WWC2: variants seen among roughly 807,000 people sequenced by gnomAD.
The protein encoded by WWC2 is protein WWC2.
A neutral mutation model predicts 138.5 loss-of-function variants in WWC2; 101 were observed. That is an observed-to-expected ratio of 0.73 (90% CI 0.62 to 0.86). The LOEUF is 0.86. WWC2 is among the 40% of genes least tolerant of loss of function. The pLI, the probability that WWC2 is intolerant of heterozygous loss-of-function variation, is 0.00. For synonymous variants in WWC2, 558 were observed against 538.4 expected (o/e 1.04, Z -0.50); for missense variants, 1,420 against 1,419.4 (o/e 1.00, Z -0.01).
At chr4:183,282,364 G>A (rs1473152265) in intron 17 of WWC2, among the ~76,000 whole-genome samples, 1 of 152,120 alleles carries the variant, frequency 6.6e-6, no homozygotes. Context: ...AATGAACAAC[G>A]AATACCAAGT....
In WWC2 at chr4:183,253,845, A is replaced by T; in HGVS notation, c.1042A>T (p.Ile348Phe). 6.2e-7 allele frequency: 1 copy of T among 1,613,720 alleles called. No individual in the cohort carries two copies. The highest frequency in any genetic ancestry group is 8.5e-7 in the Non-Finnish European group (1 of 1,179,794). The change falls in exon 9 of 23, where the codon ATT (isoleucine) becomes TTT (phenylalanine). Residue 348 changes from isoleucine (I) to phenylalanine (F), a missense_variant. Ile to Phe is a conservative substitution (Grantham distance 21). Coordinates refer to ENST00000403733, the MANE Select transcript of WWC2 (RefSeq NM_024949.6). ...TATTGAGAAGGAAAAACTGATGCTG[A>T]TTAATGAAAAAGAAGAACTTTTGAA... Reference protein sequence around the residue: ...LDIEKEKLMLINEKEELLKEL... With the variant: ...LDIEKEKLMLFNEKEELLKEL...
At chr4:183,311,468 C>G (rs1035939897) in intron 21 of WWC2, among the ~76,000 whole-genome samples, 1 of 152,176 alleles carries the variant, frequency 6.6e-6, no homozygotes, top group Non-Finnish European at 1.5e-5. Context: ...TGCTGGGAAC[C>G]CTCGGGGCAG....
rs572165795 is a variant in WWC2, at chr4:183,172,495, G to A, written c.132-21104G>A. On this transcript the variant is annotated intron_variant, in intron 1 of 22. Coordinates refer to ENST00000403733, the MANE Select transcript of WWC2 (RefSeq NM_024949.6). ...TTTGGAGTAAAAATTCGATGGTACT[G>A]CTTTACTGACTTGTATATTCCAGTG... 4.7e-5 allele frequency among the ~76,000 whole-genome samples: 7 copies of A among 149,946 alleles called. 1 individual carries two copies. The South Asian group carries it at 1.5e-3, about 31-fold the overall frequency.
At chr4:183,126,569 T>G (rs1489622270) in intron 1 of WWC2, among the ~76,000 whole-genome samples, 1 of 152,172 alleles carries the variant, frequency 6.6e-6, no homozygotes, top group East Asian at 1.9e-4. Flanking sequence ...GTAGATCAAG[T>G]GGCAGCAGAG....
intron 1 of WWC2, among the ~76,000 whole-genome samples, chr4:183,166,039 G>A (rs1257865131): frequency 6.6e-6 from 1 of 152,118 alleles, no homozygotes; most frequent in Non-Finnish European, 1.5e-5. Flanking sequence ...GTATCTACCT[G>A]TAATGTAATA....
intron 21 of WWC2, among the ~76,000 whole-genome samples, chr4:183,303,431 G>A (rs887664749): frequency 3.9e-5 from 6 of 152,142 alleles, no homozygotes; most frequent in African/African-American, 1.4e-4. Flanking sequence ...TAATAACTAG[G>A]CAGCCTCTTA....
chr4:183,099,651 C>G (rs774670704), intron 1 of WWC2, 29 bp downstream of exon 1: 2 of 1,271,506 alleles, frequency 1.6e-6, no homozygotes, highest in South Asian at 4.8e-5. Flanking sequence ...GGCGCGGGCC[C>G]GTTCGGACAC....
intron 1 of WWC2, among the ~76,000 whole-genome samples, chr4:183,162,298 T>G (rs1733984412): frequency 6.6e-6 from 1 of 152,200 alleles, no homozygotes; most frequent in South Asian, 2.1e-4. Context: ...CCTATACACT[T>G]ATAGAGAATT....
chr4:183,204,527 T>C (rs1287278825), intron 2 of WWC2, among the ~76,000 whole-genome samples: 1 of 152,218 alleles, frequency 6.6e-6, no homozygotes, highest in African/African-American at 2.4e-5. Flanking sequence ...TTATTGCTGT[T>C]CCATTATACC....
chr4:183,130,734 A>G (rs1423518224), intron 1 of WWC2, among the ~76,000 whole-genome samples: 1 of 152,134 alleles, frequency 6.6e-6, no homozygotes, highest in Non-Finnish European at 1.5e-5. Flanking sequence ...GAGTGCTTGC[A>G]TTGTGCCAGG....
intron 4 of WWC2, among the ~76,000 whole-genome samples, chr4:183,232,005 A>G (rs1241329460): frequency 6.6e-6 from 1 of 152,204 alleles, no homozygotes; most frequent in African/African-American, 2.4e-5. Flanking sequence ...TGTGGCCTCA[A>G]TAGAGAAAGG....
rs530602796 is a variant in WWC2, at chr4:183,316,078, G to C, written c.*349G>C. ...TGAGCCGGCTGTTGAGAAACAACTT[G>C]GTTCAGCCGGTGGTTTTGCTTCTCC... is the stretch of plus-strand genomic sequence containing the variant. On this transcript the variant is annotated 3_prime_UTR_variant, in exon 23 of 23. Coordinates refer to ENST00000403733, the MANE Select transcript of WWC2 (RefSeq NM_024949.6). 8 of 202,936 alleles carry C rather than the reference G, an allele frequency of 3.9e-5. No homozygotes were observed. The highest frequency in any genetic ancestry group is 2.7e-4 in the Admixed American group (5 of 18,496). 12.6% of individuals were successfully genotyped at this position (202,936 alleles called of 1,614,324 possible).
At position 183,105,788 on chromosome 4, in the gene WWC2, G is replaced by A. The variant is rs543332808; in HGVS notation, c.131+6166G>A. On this transcript the variant is annotated intron_variant, in intron 1 of 22. Coordinates refer to ENST00000403733, the MANE Select transcript of WWC2 (RefSeq NM_024949.6). ...GCCTGTAGTCCCAGCTACTTGGGTG[G>A]CTGAGGCAGGAGAATGGCGTGAACC... is the stretch of plus-strand genomic sequence containing the variant. Among the ~76,000 whole-genome samples the A allele has an allele frequency of 3.5e-3, 539 of 152,046 alleles. 4 individuals are homozygous for A. Among genetic ancestry groups the A allele is most frequent in the Non-Finnish European group, 4.0e-3 (275 of 67,974 alleles).
chr4:183,319,708 A>G lies in WWC2; in HGVS notation c.*3979A>G. Reference sequence around the variant, plus strand: ...CCTAGCAGAAGAGAAAGTCCAGCAAACCAGCCCAGAAACAGGGCCTCCCCA... The same window carrying G: ...CCTAGCAGAAGAGAAAGTCCAGCAAGCCAGCCCAGAAACAGGGCCTCCCCA... On this transcript the variant is annotated 3_prime_UTR_variant, in exon 23 of 23. Coordinates refer to ENST00000403733, the MANE Select transcript of WWC2 (RefSeq NM_024949.6). The G allele has an allele frequency of 6.2e-7, 1 of 1,614,106 alleles. No homozygotes were observed. The highest frequency in any genetic ancestry group is 1.7e-4 in the Middle Eastern group (1 of 6,060).
At chr4:183,142,416 T>C (rs1401553045) in intron 1 of WWC2, among the ~76,000 whole-genome samples, 1 of 152,208 alleles carries the variant, frequency 6.6e-6, no homozygotes, top group Non-Finnish European at 1.5e-5. Flanking sequence ...TTAAAATTTC[T>C]GAGTCAGTTT....
At chr4:183,239,735 G>A (rs989506421) in intron 4 of WWC2, among the ~76,000 whole-genome samples, 1 of 152,150 alleles carries the variant, frequency 6.6e-6, no homozygotes, top group African/African-American at 2.4e-5. Flanking sequence ...AGCTAGCATT[G>A]GAGGGACAGG....
chr4:183,137,953 G>A (rs1282929227), intron 1 of WWC2, among the ~76,000 whole-genome samples: 4 of 152,180 alleles, frequency 2.6e-5, no homozygotes, highest in African/African-American at 7.2e-5. Context: ...TGTGAGCTAA[G>A]TTACTTATTT....
chr4:183,189,298 G>C (rs182915076), intron 1 of WWC2, among the ~76,000 whole-genome samples: 1 of 151,868 alleles, frequency 6.6e-6, no homozygotes. Flanking sequence ...TTAGCCAGGC[G>C]TGGTGGCGGG....
At position 183,099,547 on chromosome 4, in the gene WWC2, C is replaced by A; in HGVS notation, c.56C>A (p.Ala19Asp). 1 of 1,420,278 alleles carries A rather than the reference C, an allele frequency of 7.0e-7. No homozygotes were observed. 88.0% of individuals were successfully genotyped at this position (1,420,278 alleles called of 1,614,324 possible). ...CCGCTGCCCCGGGGCTGGGAGGAGG[C>A]CAGGGACTACGACGGCAAGGTCTTC... is the stretch of plus-strand genomic sequence containing the variant. The part of the protein sequence containing the change: ...QLPLPRGWEE[A>D]RDYDGKVFYI... Residue 19 changes from alanine to aspartate, a missense_variant, in exon 1 of 23, where the codon GCC becomes GAC. Transcript: ENST00000403733.
Sources: gnomAD v4.1 joint callset for allele counts (sites outside exome capture counted in the v4.1 genomes callset) on GRCh38, gnomAD v4.1.1 for gene constraint, MANE v1.5 for transcripts, NCBI Gene and HGNC (gene_info 2026-07-23, HGNC 2026-07-21) for gene names.